NENF: variants seen among roughly 807,000 people sequenced by gnomAD.
NENF encodes neudesin neurotrophic factor.
In NENF, 6 loss-of-function variants were observed where a neutral mutation model predicts 14.8. The observed-to-expected ratio is 0.40, with a 90% CI of 0.22 to 0.80. The LOEUF (loss-of-function observed/expected upper bound fraction) is 0.80, where lower values mean the gene tolerates loss of function less well. NENF is among the 30% of genes least tolerant of loss of function. The pLI is 0.34. For missense variants in NENF, 184 were observed against 212.7 expected, an observed-to-expected ratio of 0.87 and a Z score of 0.84; for synonymous variants, 76 against 95.1, an observed-to-expected ratio of 0.80 and a Z score of 1.17.
At chr1:212,445,485 G>A (rs1195895498) in intron 3 of NENF, among the ~76,000 whole-genome samples, 2 of 152,128 alleles carry the variant, frequency 1.3e-5, no homozygotes, top group Non-Finnish European at 2.9e-5. Flanking sequence ...GGGATAATGG[G>A]AGCAGTGTAG....
At chr1:212,441,666 A>C (rs1227553242) in intron 1 of NENF, among the ~76,000 whole-genome samples, 2 of 152,120 alleles carry the variant, frequency 1.3e-5, no homozygotes, top group East Asian at 3.9e-4. Flanking sequence ...GGTGCCTGTA[A>C]TCCCAGCTAC....
intron 3 of NENF, among the ~76,000 whole-genome samples, 158 bp from the exon 4 acceptor site, chr1:212,445,672 C>T (rs776634906): frequency 1.0e-4 from 15 of 150,464 alleles, no homozygotes; most frequent in Admixed American, 6.7e-5. Flanking sequence ...CCCCCCACAG[C>T]AGTGTCTCTT....
chr1:212,436,924 C>CA (rs35648109), intron 1 of NENF, among the ~76,000 whole-genome samples: 9,156 of 81,656 alleles, frequency 0.11, 799 homozygotes, highest in African/African-American at 0.28. Flanking sequence ...TCACCTCTAC[C>CA]AAAAAAAAAA....
intron 1 of NENF, among the ~76,000 whole-genome samples, chr1:212,440,461 C>A (rs1662684241): frequency 6.6e-6 from 1 of 152,118 alleles, no homozygotes; most frequent in African/African-American, 2.4e-5. Flanking sequence ...AAAATGCCGT[C>A]TGCTGGCTTG....
At chr1:212,441,446 T>C (rs791720) in intron 1 of NENF, among the ~76,000 whole-genome samples, 21,424 of 151,964 alleles carry the variant, frequency 0.14, 1,929 homozygotes, top group East Asian at 0.41. Context: ...ATACCCAAAA[T>C]AGAAAGCTAG....
chr1:212,440,248 T>G, intron 1 of NENF, among the ~76,000 whole-genome samples: 1 of 46,588 alleles, frequency 2.1e-5, no homozygotes. Context: ...TAAGACTCTG[T>G]CTCAAAAAAA....
rs183552194 is a variant in NENF at position 212,441,016 on chromosome 1, G to A, written c.178-1549G>A. 6.6e-5 allele frequency among the ~76,000 whole-genome samples: 10 copies of A among 152,194 alleles called. No individual in the cohort carries two copies. In the East Asian group the frequency reaches 1.9e-3, roughly 29 times the overall value. On this transcript the variant is annotated intron_variant, in intron 1 of 3. Coordinates refer to ENST00000366988, the MANE Select transcript of NENF (RefSeq NM_013349.5). The stretch of plus-strand genomic sequence containing the variant: ...TGGGTGTCTTGGGACTGTACCCATC[G>A]TCCCAGCCTGAGCCCAACTTGATGG...
chr1:212,433,204 G>A lies in NENF; in HGVS notation c.177+84G>A. The A allele has an allele frequency of 5.4e-6, 5 of 934,376 alleles. No individual in the cohort carries two copies. The highest frequency in any genetic ancestry group is 1.0e-4 in the Admixed American group (2 of 19,884). The allele number at this position is 934,376 out of a possible 1,614,324, so 57.9% of individuals were successfully genotyped here. On this transcript the variant is annotated intron_variant, in intron 1 of 3. Transcript: ENST00000366988. The surrounding 1 kb of genome is among the most constrained non-coding windows in gnomAD (Gnocchi z 5.5). Reference sequence around the variant, plus strand: ...GAGCGGGGACCCAGGAGGCGCCGGCGGCCCAGGAAGCTCTGGGGGACGCGC... The same window carrying A: ...GAGCGGGGACCCAGGAGGCGCCGGCAGCCCAGGAAGCTCTGGGGGACGCGC...
rs559017760 is a variant in NENF, at chr1:212,444,336, C to T, written c.239-3C>T. 6 of 1,587,450 alleles carry T rather than the reference C, an allele frequency of 3.8e-6. 1 individual carries two copies. In the African/African-American group the frequency reaches 8.1e-5, roughly 21 times the overall value. On this transcript the variant is annotated splice_region_variant and splice_polypyrimidine_tract_variant and intron_variant, in intron 2 of 3. Transcript: ENST00000366988. ...TACGTCTCTTCCTTCCTTCCCACTA[C>T]AGAGTTTTATGGACGAGGAGCCCCC...
rs57220444 is a variant in NENF at position 212,444,518 on chromosome 1, C to CGTGTGT, written c.342+121_342+126dup. On this transcript the variant is annotated intron_variant, in intron 3 of 3. Coordinates refer to ENST00000366988, the MANE Select transcript of NENF (RefSeq NM_013349.5). ...CTTTTTCTCTTTTTCTTTTTCTTTT[C>CGTGTGT]GTGTGTGTGTGTGTGTGTGTGTGTG... The CGTGTGT allele has an allele frequency of 5.1e-4, 256 of 497,474 alleles. 1 individual carries two copies. Among genetic ancestry groups the CGTGTGT allele is most frequent in the East Asian group, 3.9e-3 (103 of 26,406 alleles). 30.8% of individuals were successfully genotyped at this position (497,474 alleles called of 1,614,324 possible). A position where few individuals can be genotyped will look rare whatever the true frequency, so the allele number is the denominator to read the frequency against.
At position 212,444,369 on chromosome 1, in the gene NENF, C is replaced by G. The variant is rs1662743011; in HGVS notation, c.269C>G (p.Ala90Gly). Residue 90 changes from alanine (A) to glycine (G), a missense_variant, in exon 3 of 4, where the codon GCC becomes GGC. By Grantham distance (60) the Ala-to-Gly change is moderately conservative. Coordinates refer to ENST00000366988, the MANE Select transcript of NENF (RefSeq NM_013349.5). ...EFYGRGAPYN[A>G]LTGKDSTRGV... is the part of the protein sequence containing the mutation. The stretch of plus-strand genomic sequence containing the variant: ...TATGGACGAGGAGCCCCCTACAATG[C>G]CTTGACGGGGAAGGACTCCACTAGA... 6.2e-7 allele frequency: 1 copy of G among 1,606,926 alleles called. No individual in the cohort carries two copies. The highest frequency in any genetic ancestry group is 1.1e-5 in the South Asian group (1 of 89,892).
At position 212,433,365 on chromosome 1, in the gene NENF, T is replaced by G. The variant is rs1311210331; in HGVS notation, c.177+245T>G. Among the ~76,000 whole-genome samples, 1 of 152,094 alleles carries G rather than the reference T, an allele frequency of 6.6e-6. No homozygotes were observed. Among genetic ancestry groups the G allele is most frequent in the Non-Finnish European group, 1.5e-5 (1 of 68,000 alleles). On this transcript the variant is annotated intron_variant, in intron 1 of 3. Transcript: ENST00000366988. This position sits in a 1 kb window ranked among gnomAD's most constrained non-coding sequence, Gnocchi z 5.5. ...GCACACCCCACCCTGAACTTCTCCCTCGGTCCCCGGGAGATTTCCCCTCTA... is the reference window on the plus strand; with the variant it reads ...GCACACCCCACCCTGAACTTCTCCCGCGGTCCCCGGGAGATTTCCCCTCTA...
At chr1:212,439,490 C>T (rs1317764417) in intron 1 of NENF, among the ~76,000 whole-genome samples, 1 of 151,076 alleles carries the variant, frequency 6.6e-6, no homozygotes, top group Non-Finnish European at 1.5e-5. Context: ...TGCGATGAGC[C>T]AAGATCATGA....
Position 212,433,316 on chromosome 1 carries a change from C to T in NENF, c.177+196C>T, listed in dbSNP as rs1180732550. Among the ~76,000 whole-genome samples, 2 of 152,070 alleles carry T rather than the reference C, an allele frequency of 1.3e-5. No individual in the cohort carries two copies. The highest frequency in any genetic ancestry group is 2.9e-5 in the Non-Finnish European group (2 of 67,978). On this transcript the variant is annotated intron_variant, in intron 1 of 3. Transcript: ENST00000366988. This position sits in a 1 kb window ranked among gnomAD's most constrained non-coding sequence, Gnocchi z 5.5. ...CCGAGGGGTGAGGACGAGTCCTCAACAGTCGGAGCGCTCCGCTTTGCCCGC... is the reference window on the plus strand; with the variant it reads ...CCGAGGGGTGAGGACGAGTCCTCAATAGTCGGAGCGCTCCGCTTTGCCCGC...
intron 1 of NENF, among the ~76,000 whole-genome samples, chr1:212,436,307 C>CT (rs71573839): frequency 0.23 from 25,771 of 112,680 alleles, 3,584 homozygotes; most frequent in Non-Finnish European, 0.27. Context: ...GCCCATGGGT[C>CT]TTTTTTTTTT....
intron 3 of NENF, 136 bp from the exon 4 acceptor site, chr1:212,445,694 C>G (rs1177418809): frequency 1.4e-5 from 5 of 369,184 alleles, no homozygotes; most frequent in Non-Finnish European, 2.5e-5. Flanking sequence ...AGCCATTTGT[C>G]CATTATTTGG....
intron 1 of NENF, among the ~76,000 whole-genome samples, chr1:212,441,994 C>T (rs1201603249): frequency 2.6e-5 from 4 of 152,168 alleles, no homozygotes; most frequent in African/African-American, 7.2e-5. Flanking sequence ...TTTTCATCTC[C>T]ATGAAGTTGC....
intron 1 of NENF, among the ~76,000 whole-genome samples, chr1:212,439,203 A>G (rs1429253512): frequency 1.3e-5 from 2 of 152,130 alleles, no homozygotes; most frequent in Non-Finnish European, 2.9e-5. Context: ...ACCTTCAAGT[A>G]AGTAGTTTAA....
intron 3 of NENF, among the ~76,000 whole-genome samples, chr1:212,445,394 A>G (rs1009074531): frequency 6.6e-6 from 1 of 152,238 alleles, no homozygotes; most frequent in African/African-American, 2.4e-5. Context: ...AACAAAATGA[A>G]TGTAACAATA....
Sources: gnomAD v4.1 joint callset for allele counts (sites outside exome capture counted in the v4.1 genomes callset) on GRCh38, gnomAD v4.1.1 for gene constraint, Gnocchi (gnomAD v3.1) non-coding constraint, MANE v1.5 for transcripts, NCBI Gene and HGNC (gene_info 2026-07-23, HGNC 2026-07-21) for gene names.